The following STIM1 variants were observed in gnomAD, a reference collection of about 807,000 sequenced individuals.
STIM1 encodes stromal interaction molecule 1.
Under a neutral mutation model 74.7 loss-of-function variants are expected in STIM1, and 25 were observed. The observed-to-expected ratio is 0.33, with a 90% CI of 0.24 to 0.47. STIM1 has a LOEUF of 0.47. Among genes scored for constraint, STIM1 ranks in the 20% least tolerant of loss-of-function variants. STIM1 has a pLI of 1.00. For missense variants in STIM1, 728 were observed against 920.8 expected, an observed-to-expected ratio of 0.79 and a Z score of 2.71; for synonymous variants, 328 against 348.8, an observed-to-expected ratio of 0.94 and a Z score of 0.66.
intron 2 of STIM1, among the ~76,000 whole-genome samples, chr11:4,009,610 AAATAATAAT>A (rs138315167): frequency 1.3e-5 from 2 of 150,262 alleles, no homozygotes; most frequent in South Asian, 2.1e-4. Flanking sequence ...CTCCATCTCA[AAATAATAAT>A]AATAATAATA....
At chr11:4,043,257 C>T (rs1310375185) in intron 3 of STIM1, among the ~76,000 whole-genome samples, 1 of 152,042 alleles carries the variant, frequency 6.6e-6, no homozygotes, top group Admixed American at 6.6e-5. Context: ...TTGATTTTTA[C>T]ATGAAAATTG....
In STIM1 at chr11:3,942,684, AC is replaced by A. The variant is rs374005062; in HGVS notation, c.140-24867del. Among the ~76,000 whole-genome samples, 15 of 152,202 alleles carry A rather than the reference AC, an allele frequency of 9.9e-5. 1 individual carries two copies. Among genetic ancestry groups the A allele is most frequent in the African/African-American group, 3.6e-4 (15 of 41,530 alleles). On this transcript the variant is annotated intron_variant, in intron 1 of 12. Transcript: ENST00000526596. Reference sequence around the variant, plus strand: ...CTCTCTGTTTATACAGCATTAAAGGACTTTTATCTTTATCTTTGGCCAGCTG... The same window carrying A: ...CTCTCTGTTTATACAGCATTAAAGGATTTTATCTTTATCTTTGGCCAGCTG...
intron 1 of STIM1, among the ~76,000 whole-genome samples, chr11:3,967,315 A>G (rs759396261): frequency 2.9e-4 from 44 of 152,194 alleles, no homozygotes; most frequent in Non-Finnish European, 5.9e-4. Context: ...AGTCCTATGC[A>G]AGACTTCCCT....
At chr11:4,070,501 C>T (rs187810747) in intron 6 of STIM1, among the ~76,000 whole-genome samples, 1 of 152,296 alleles carries the variant, frequency 6.6e-6, no homozygotes, top group East Asian at 1.9e-4. Flanking sequence ...GTCATTCTTC[C>T]TTCTGCCTGT....
At position 3,950,905 on chromosome 11, in the gene STIM1, G is replaced by A. The variant is rs573429736; in HGVS notation, c.140-16647G>A. 2.6e-4 allele frequency among the ~76,000 whole-genome samples: 39 copies of A among 152,322 alleles called. 2 individuals carry two copies. The highest frequency in any genetic ancestry group is 2.5e-3 in the Admixed American group (38 of 15,302). Reference sequence around the variant, plus strand: ...AGTCTCTCAAAGTATTGGGATTACAGGCATGAGCCACTGTGCCTGGCCCAG... The same window carrying A: ...AGTCTCTCAAAGTATTGGGATTACAAGCATGAGCCACTGTGCCTGGCCCAG... On this transcript the variant is annotated intron_variant, in intron 1 of 12. Coordinates refer to ENST00000526596, the MANE Select transcript of STIM1 (RefSeq NM_001382567.1).
intron 1 of STIM1, among the ~76,000 whole-genome samples, chr11:3,958,060 G>A (rs1273950887): frequency 6.6e-6 from 1 of 151,944 alleles, no homozygotes; most frequent in Non-Finnish European, 1.5e-5. Flanking sequence ...GAGACAGGGT[G>A]TCACCATGTT....
intron 11 of STIM1, chr11:4,086,243 C>T (rs996092946): frequency 1.7e-6 from 1 of 586,314 alleles, no homozygotes; most frequent in East Asian, 2.9e-5. Flanking sequence ...TGATATTGCC[C>T]ATAGGTCTCC....
intron 6 of STIM1, among the ~76,000 whole-genome samples, chr11:4,073,992 T>A (rs2094422095): frequency 6.6e-6 from 1 of 152,182 alleles, no homozygotes; most frequent in African/African-American, 2.4e-5. Flanking sequence ...TCCCTGGATC[T>A]TTTTGTCAAG....
Position 4,092,984 on chromosome 11 carries a change from G to C in STIM1, c.*1186G>C, listed in dbSNP as rs2094532800. 6.9e-6 allele frequency: 1 copy of C among 145,252 alleles called. No homozygotes were observed. Among genetic ancestry groups the C allele is most frequent in the South Asian group, 2.2e-4 (1 of 4,646 alleles). 9.0% of individuals were successfully genotyped at this position (145,252 alleles called of 1,614,324 possible). ...CTCTAGACAACTCTCTCCCTTACCT[G>C]TTTTTGCTATGGCTGTAAAGGTATT... On this transcript the variant is annotated 3_prime_UTR_variant, in exon 13 of 13. Transcript: ENST00000526596.
At chr11:3,960,180 A>G (rs1043452097) in intron 1 of STIM1, among the ~76,000 whole-genome samples, 2 of 152,086 alleles carry the variant, frequency 1.3e-5, no homozygotes, top group Admixed American at 1.3e-4. Context: ...CAGCACTATC[A>G]TTAGTTGAAA....
At chr11:4,019,241 C>CA (rs2093932635) in intron 2 of STIM1, 1 of 152,202 alleles carries the variant, frequency 6.6e-6, no homozygotes. Flanking sequence ...TGATTCCTCT[C>CA]ATTAAAATGA....
intron 1 of STIM1, among the ~76,000 whole-genome samples, chr11:3,897,647 A>T (rs1042009159): frequency 6.6e-6 from 1 of 152,006 alleles, no homozygotes; most frequent in African/African-American, 2.4e-5. Context: ...TATCTCCTAA[A>T]GCTATCCCTC....
intron 2 of STIM1, chr11:3,989,441 A>G (rs2135838434): frequency 1.4e-6 from 1 of 713,728 alleles, no homozygotes; most frequent in Non-Finnish European, 2.6e-6. Flanking sequence ...CCTTCCGCGG[A>G]GCTGACCTTG....
chr11:3,885,962 T>A (rs931581512), intron 1 of STIM1, among the ~76,000 whole-genome samples: 1 of 152,186 alleles, frequency 6.6e-6, no homozygotes, highest in Admixed American at 6.5e-5. Context: ...GATGTGAGTT[T>A]GAGCATGATC....
intron 12 of STIM1, chr11:4,088,492 C>T: frequency 1.9e-6 from 1 of 539,272 alleles, no homozygotes; most frequent in Non-Finnish European, 3.4e-6. Context: ...CATATCCATT[C>T]TCATTCTCAT....
At chr11:3,956,021 A>G (rs1249271117) in intron 1 of STIM1, among the ~76,000 whole-genome samples, 1 of 150,916 alleles carries the variant, frequency 6.6e-6, no homozygotes, top group Admixed American at 6.6e-5. Context: ...ATGAAGTTAT[A>G]GAAAAAAAAA....
chr11:3,858,068 TC>T (rs2090453394), intron 1 of STIM1, among the ~76,000 whole-genome samples: 1 of 152,218 alleles, frequency 6.6e-6, no homozygotes, highest in African/African-American at 2.4e-5. Flanking sequence ...TCTCTTCCTG[TC>T]CCTGTGACAT....
intron 11 of STIM1, chr11:4,086,152 C>A: frequency 2.5e-6 from 1 of 403,800 alleles, no homozygotes; most frequent in Non-Finnish European, 4.5e-6. Flanking sequence ...TTAGTGCTCT[C>A]CCGGACCTTA....
intron 1 of STIM1, among the ~76,000 whole-genome samples, chr11:3,966,036 C>A (rs12269741): frequency 4.6e-5 from 7 of 151,868 alleles, no homozygotes; most frequent in South Asian, 2.1e-4. Flanking sequence ...AAACAAAAAA[C>A]CAAAAAAAAC....
Sources: allele counts gnomAD v4.1 joint callset (sites outside exome capture counted in the v4.1 genomes callset), GRCh38; gene constraint gnomAD v4.1.1; transcripts MANE v1.5; gene names NCBI Gene and HGNC (gene_info 2026-07-23, HGNC 2026-07-21).